Variants in GUCY1A2 observed in about 807,000 individuals in gnomAD.
GUCY1A2 encodes guanylate cyclase 1 soluble subunit alpha 2, also known as guanylate cyclase soluble subunit alpha-2.
GUCY1A2 carries 27 observed loss-of-function variants against 63.5 expected under a neutral mutation model. That is an observed-to-expected ratio of 0.43 (90% CI 0.31 to 0.59). The LOEUF is 0.59. GUCY1A2 is among the 20% of genes least tolerant of loss of function. GUCY1A2 has a pLI of 0.11. For synonymous variants in GUCY1A2, 364 were observed against 343.5 expected (o/e 1.06, Z -0.66); for missense variants, 768 against 913.3 (o/e 0.84, Z 2.05).
At chr11:107,012,325 C>G (rs1861758840) in intron 1 of GUCY1A2, among the ~76,000 whole-genome samples, 1 of 147,770 alleles carries the variant, frequency 6.8e-6, no homozygotes, top group Non-Finnish European at 1.5e-5. Flanking sequence ...AATTAGGTGA[C>G]TAGCAAGTGA....
chr11:106,942,234 A>C (rs538687311), intron 3 of GUCY1A2, among the ~76,000 whole-genome samples: 7 of 152,198 alleles, frequency 4.6e-5, no homozygotes, highest in Admixed American at 2.0e-4. Flanking sequence ...GACACTATTA[A>C]TCATCCCTTC....
intron 4 of GUCY1A2, among the ~76,000 whole-genome samples, chr11:106,817,812 G>A (rs1319084238): frequency 6.6e-6 from 1 of 152,058 alleles, no homozygotes; most frequent in Non-Finnish European, 1.5e-5. Context: ...CCTGATACCT[G>A]TTAGAATGGC....
At chr11:106,713,250 A>T (rs1295736801) in intron 6 of GUCY1A2, among the ~76,000 whole-genome samples, 1 of 152,160 alleles carries the variant, frequency 6.6e-6, no homozygotes, top group Non-Finnish European at 1.5e-5. Flanking sequence ...TCCTGATTTT[A>T]AAAAGTTTTT....
At chr11:106,838,824 G>T (rs943638729) in intron 4 of GUCY1A2, among the ~76,000 whole-genome samples, 27 of 151,774 alleles carry the variant, frequency 1.8e-4, no homozygotes, top group African/African-American at 6.5e-4. Flanking sequence ...TTTTGATGGG[G>T]TTGTTTTTTT....
chr11:106,983,489 A>G (rs1861363894), intron 2 of GUCY1A2, among the ~76,000 whole-genome samples: 1 of 152,188 alleles, frequency 6.6e-6, no homozygotes, highest in Non-Finnish European at 1.5e-5. Flanking sequence ...GGCAGACACA[A>G]AAAGCCTCAG....
intron 5 of GUCY1A2, among the ~76,000 whole-genome samples, chr11:106,779,850 A>C (rs1229387465): frequency 2.0e-5 from 3 of 152,216 alleles, no homozygotes; most frequent in Non-Finnish European, 4.4e-5. Context: ...CACAATGTAA[A>C]TATGACAAAT....
At chr11:106,811,997 G>A (rs183306386) in intron 4 of GUCY1A2, among the ~76,000 whole-genome samples, 1 of 151,998 alleles carries the variant, frequency 6.6e-6, no homozygotes, top group East Asian at 1.9e-4. Context: ...ACAGGTTATG[G>A]TTTGAGTAAA....
intron 4 of GUCY1A2, among the ~76,000 whole-genome samples, chr11:106,844,746 T>C (rs1305619306): frequency 3.3e-5 from 5 of 151,744 alleles, no homozygotes. Flanking sequence ...TTTTGTTTAA[T>C]ATCTTGCCAT....
intron 6 of GUCY1A2, among the ~76,000 whole-genome samples, chr11:106,714,014 T>C (rs890779193): frequency 3.3e-5 from 4 of 123,034 alleles, no homozygotes; most frequent in African/African-American, 1.4e-4. Context: ...TTTTTTTCTT[T>C]TCTTTCTGTT....
chr11:106,982,986 T>G lies in GUCY1A2; in HGVS notation c.365+3084A>C, dbSNP rs988999873. Among the ~76,000 whole-genome samples the G allele has an allele frequency of 5.3e-5, 8 of 152,208 alleles. No homozygotes were observed. In the South Asian group the frequency reaches 1.7e-3, roughly 32 times the overall value. ...AAATGCCAGTTTCTTGAGCCCTATC[T>G]GAACCTAGGAAATCAGAACCTCTGG... On this transcript the variant is annotated intron_variant, in intron 2 of 7. Coordinates refer to ENST00000526355, the MANE Select transcript of GUCY1A2 (RefSeq NM_000855.3).
chr11:106,972,095 T>C (rs1861202816), intron 3 of GUCY1A2, among the ~76,000 whole-genome samples: 1 of 152,016 alleles, frequency 6.6e-6, no homozygotes. Context: ...GTCTGAGAAA[T>C]TGTCATAGAT....
intron 6 of GUCY1A2, among the ~76,000 whole-genome samples, chr11:106,715,020 G>GA (rs1185845633): frequency 6.6e-6 from 1 of 152,040 alleles, no homozygotes; most frequent in African/African-American, 2.4e-5. Flanking sequence ...GGGATTTATT[G>GA]AAAAACACAA....
chr11:106,798,049 G>A (rs923076763), intron 5 of GUCY1A2, among the ~76,000 whole-genome samples: 1 of 151,958 alleles, frequency 6.6e-6, no homozygotes, highest in African/African-American at 2.4e-5. Context: ...AAAGAAAGAA[G>A]AATCAAATAG....
intron 4 of GUCY1A2, among the ~76,000 whole-genome samples, chr11:106,920,155 A>G (rs901592980): frequency 1.1e-4 from 16 of 152,040 alleles, no homozygotes; most frequent in Non-Finnish European, 2.1e-4. Context: ...GCCATTAAAA[A>G]AAACCACACA....
intron 3 of GUCY1A2, among the ~76,000 whole-genome samples, chr11:106,950,241 C>T (rs1310220142): frequency 6.6e-6 from 1 of 152,224 alleles, no homozygotes; most frequent in East Asian, 1.9e-4. Context: ...CTATCAGATG[C>T]TGGCAACCTG....
intron 4 of GUCY1A2, among the ~76,000 whole-genome samples, chr11:106,819,874 T>C (rs1418814144): frequency 6.6e-6 from 1 of 152,064 alleles, no homozygotes; most frequent in Non-Finnish European, 1.5e-5. Flanking sequence ...TAAAGTGAAA[T>C]AAGTACAGAA....
chr11:106,811,584 T>C (rs1458792387), intron 4 of GUCY1A2, among the ~76,000 whole-genome samples: 1 of 152,074 alleles, frequency 6.6e-6, no homozygotes, highest in Non-Finnish European at 1.5e-5. Context: ...TGAACAAATA[T>C]GGAATAAACT....
rs1184909512 is a variant in GUCY1A2, at chr11:107,002,342, T to C, written c.303+15411A>G. On this transcript the variant is annotated intron_variant, in intron 1 of 7. Transcript: ENST00000526355. ...GTATCAAAAAAGTGTCAAAAAGAGC[T>C]CTAACACTGAACAAAGTCATATCAG... 3.3e-5 allele frequency among the ~76,000 whole-genome samples: 5 copies of C among 151,900 alleles called. No homozygotes were observed. In the East Asian group the frequency reaches 7.8e-4, roughly 24 times the overall value.
At chr11:107,007,757 T>C (rs868215488) in intron 1 of GUCY1A2, among the ~76,000 whole-genome samples, 1 of 152,344 alleles carries the variant, frequency 6.6e-6, no homozygotes, top group East Asian at 1.9e-4. Context: ...CTAATGATTA[T>C]TGTAAGATAG....
Sources: allele counts gnomAD v4.1 joint callset (sites outside exome capture counted in the v4.1 genomes callset), GRCh38; gene constraint gnomAD v4.1.1; transcripts MANE v1.5; gene names NCBI Gene and HGNC (gene_info 2026-07-23, HGNC 2026-07-21).